Variants in ADGRB3 observed in about 807,000 individuals in gnomAD.
ADGRB3 encodes brain-specific angiogenesis inhibitor 3.
Under a neutral mutation model 193.4 loss-of-function variants are expected in ADGRB3, and 37 were observed. The observed-to-expected ratio is 0.19, with a 90% confidence interval of 0.15 to 0.25. The LOEUF (loss-of-function observed/expected upper bound fraction) is 0.25, where lower values mean the gene tolerates loss of function less well. Ranked by LOEUF, ADGRB3 falls within the 10% of genes least tolerant of loss-of-function variation. The probability of loss-of-function intolerance (pLI) is 1.00; values close to 1 mark genes in which losing one functional copy is unlikely to be tolerated. For synonymous variants in ADGRB3, 690 were observed against 644.2 expected, an observed-to-expected ratio of 1.07 and a Z score of -1.08; for missense variants, 1,637 against 1,852.9, an observed-to-expected ratio of 0.88 and a Z score of 2.14.
chr6:69,075,592 T>G (rs9446091), intron 16 of ADGRB3, among the ~76,000 whole-genome samples: 28 of 151,954 alleles, frequency 1.8e-4, no homozygotes, highest in African/African-American at 6.8e-4. Flanking sequence ...ATTATACATG[T>G]GCATAATATA....
intron 8 of ADGRB3, among the ~76,000 whole-genome samples, chr6:68,959,310 C>A (rs1461990555): frequency 1.3e-5 from 2 of 152,090 alleles, no homozygotes; most frequent in East Asian, 3.8e-4. Context: ...TTTCAAATTA[C>A]CATAACATTT....
At chr6:68,869,980 T>C (rs1302736859) in intron 3 of ADGRB3, among the ~76,000 whole-genome samples, 1 of 152,240 alleles carries the variant, frequency 6.6e-6, no homozygotes, top group African/African-American at 2.4e-5. Flanking sequence ...GATTTCACCA[T>C]GTTGGCTAGA....
At chr6:68,737,239 C>T (rs1327332826) in intron 3 of ADGRB3, among the ~76,000 whole-genome samples, 1 of 152,074 alleles carries the variant, frequency 6.6e-6, no homozygotes, top group Admixed American at 6.6e-5. Context: ...GTCCCTCTGC[C>T]AGGAGCCAGC....
rs541389450 is a variant in ADGRB3 at position 68,696,056 on chromosome 6, C to T, written c.757+56624C>T. On this transcript the variant is annotated intron_variant, in intron 3 of 31. Transcript: ENST00000370598. ...TTTATCTGAATCTCCCCTTCCTCCT[C>T]TCTGAAGGCTTTCCATTCGTCTTCT... Among the ~76,000 whole-genome samples, 464 of 152,130 alleles carry T rather than the reference C, an allele frequency of 3.1e-3. 3 individuals carry two copies. Among genetic ancestry groups the T allele is most frequent in the African/African-American group, 0.011 (442 of 41,516 alleles).
chr6:68,664,455 C>T (rs139062333), intron 3 of ADGRB3, among the ~76,000 whole-genome samples: 4 of 151,802 alleles, frequency 2.6e-5, no homozygotes, highest in East Asian at 3.9e-4. Flanking sequence ...TCAAAGAGCT[C>T]GCAAGTTCTC....
At chr6:69,343,237 GGTTA>G (rs1769018135) in intron 26 of ADGRB3, among the ~76,000 whole-genome samples, 1 of 149,074 alleles carries the variant, frequency 6.7e-6, no homozygotes, top group Non-Finnish European at 1.5e-5. Context: ...ACATTGTGCA[GGTTA>G]GTTACATATG....
At chr6:68,805,418 A>G (rs554370552) in intron 3 of ADGRB3, among the ~76,000 whole-genome samples, 8 of 152,248 alleles carry the variant, frequency 5.3e-5, no homozygotes, top group African/African-American at 1.9e-4. Context: ...CTATTTTTAC[A>G]TTATTTACTT....
chr6:68,804,430 AGT>A (rs1350476145), intron 3 of ADGRB3, among the ~76,000 whole-genome samples: 1 of 152,240 alleles, frequency 6.6e-6, no homozygotes, highest in Non-Finnish European at 1.5e-5. Context: ...AGTTTTCAGT[AGT>A]ACATGCAATG....
At position 69,040,392 on chromosome 6, in the gene ADGRB3, T is replaced by TTTCC. The variant is rs1562133342; in HGVS notation, c.2108-7789_2108-7786dup. Among the ~76,000 whole-genome samples, 58 of 147,296 alleles carry TTTCC rather than the reference T, an allele frequency of 3.9e-4. 1 individual carries two copies. The highest frequency in any genetic ancestry group is 2.2e-3 in the East Asian group (11 of 4,964). ...TTCTTTCTTTCCTTCTCTCTCTTTCTTTCCTTCACGCAGGTGACTCCATTT... is the reference window on the plus strand; with the variant it reads ...TTCTTTCTTTCCTTCTCTCTCTTTCTTTCCTTCCTTCACGCAGGTGACTCCATTT... On this transcript the variant is annotated intron_variant, in intron 13 of 31. Coordinates refer to ENST00000370598, the MANE Select transcript of ADGRB3 (RefSeq NM_001704.3).
At chr6:69,375,186 T>C (rs1769788759) in intron 30 of ADGRB3, among the ~76,000 whole-genome samples, 1 of 152,130 alleles carries the variant, frequency 6.6e-6, no homozygotes, top group Non-Finnish European at 1.5e-5. Flanking sequence ...TTCTATTGTA[T>C]TTTGTTTGCT....
At chr6:68,639,842 T>C (rs982801079) in intron 3 of ADGRB3, among the ~76,000 whole-genome samples, 1 of 152,136 alleles carries the variant, frequency 6.6e-6, no homozygotes, top group Non-Finnish European at 1.5e-5. Flanking sequence ...ACGTCCACTT[T>C]ACTTCCTCTC....
chr6:68,777,515 G>A (rs1405750201), intron 3 of ADGRB3, among the ~76,000 whole-genome samples: 1 of 151,738 alleles, frequency 6.6e-6, no homozygotes, highest in African/African-American at 2.4e-5. Context: ...GAATGATCAG[G>A]GATAAAAGGC....
chr6:69,048,529 A>G (rs1302360060), intron 14 of ADGRB3, among the ~76,000 whole-genome samples, 195 bp downstream of exon 14: 3 of 152,162 alleles, frequency 2.0e-5, no homozygotes, highest in Admixed American at 1.3e-4. Flanking sequence ...AAAACAGTCT[A>G]TTACAGTATG....
chr6:69,281,385 G>A (rs1767432859), intron 20 of ADGRB3, among the ~76,000 whole-genome samples: 1 of 152,160 alleles, frequency 6.6e-6, no homozygotes, highest in African/African-American at 2.4e-5. Context: ...AGACTAAGTA[G>A]GAAGCTGGAG....
At chr6:68,898,844 T>TC (rs1355621740) in intron 3 of ADGRB3, among the ~76,000 whole-genome samples, 1 of 152,102 alleles carries the variant, frequency 6.6e-6, no homozygotes, top group Non-Finnish European at 1.5e-5. Context: ...CAAATTCCAG[T>TC]TGAGAAAATA....
chr6:68,959,544 C>T lies in ADGRB3; in HGVS notation c.1525+2735C>T, dbSNP rs9454660. On this transcript the variant is annotated intron_variant, in intron 8 of 31. Coordinates refer to ENST00000370598, the MANE Select transcript of ADGRB3 (RefSeq NM_001704.3). Reference sequence around the variant, plus strand: ...GTCAGGAAGGAGAAATATATATGAACATCTTTGTTTGAATAATTAATGAAA... The same window carrying T: ...GTCAGGAAGGAGAAATATATATGAATATCTTTGTTTGAATAATTAATGAAA... 8.7e-3 allele frequency among the ~76,000 whole-genome samples: 1,321 copies of T among 152,094 alleles called. 32 individuals are homozygous for T. The highest frequency in any genetic ancestry group is 0.03 in the African/African-American group (1,260 of 41,514).
intron 10 of ADGRB3, among the ~76,000 whole-genome samples, chr6:68,980,860 G>A (rs958604630): frequency 6.6e-6 from 1 of 151,452 alleles, no homozygotes; most frequent in Non-Finnish European, 1.5e-5. Context: ...ACCTAAATCA[G>A]TAGTTCTTAA....
chr6:68,953,093 A>G (rs975480507), intron 6 of ADGRB3, among the ~76,000 whole-genome samples: 5 of 152,250 alleles, frequency 3.3e-5, no homozygotes, highest in Admixed American at 6.5e-5. Flanking sequence ...CTAATTCTTC[A>G]TAGAAATACA....
intron 3 of ADGRB3, among the ~76,000 whole-genome samples, chr6:68,764,062 A>G (rs1317710937): frequency 6.6e-6 from 1 of 152,044 alleles, no homozygotes; most frequent in South Asian, 2.1e-4. Context: ...ACAAGTTGGG[A>G]CCCTGCCTCA....
Sources: gnomAD v4.1 joint callset for allele counts (sites outside exome capture counted in the v4.1 genomes callset) on GRCh38, gnomAD v4.1.1 for gene constraint, MANE v1.5 for transcripts, NCBI Gene and HGNC (gene_info 2026-07-23, HGNC 2026-07-21) for gene names.